Variants in ZFHX3 observed in about 807,000 individuals in gnomAD.
ZFHX3 encodes the protein zinc finger homeobox 3, also known as zinc finger homeobox protein 3.
A neutral mutation model predicts 279.1 loss-of-function variants in ZFHX3; 42 were observed. That is an observed-to-expected ratio of 0.15 (90% CI 0.12 to 0.19). The LOEUF is 0.19. ZFHX3 is among the 10% of genes least tolerant of loss of function. The probability of loss-of-function intolerance (pLI) is 1.00; values close to 1 mark genes in which losing one functional copy is unlikely to be tolerated. For synonymous variants in ZFHX3, 2,293 were observed against 1,957.8 expected, an observed-to-expected ratio of 1.17 and a Z score of -4.52; for missense variants, 4,981 against 4,754.0, an observed-to-expected ratio of 1.05 and a Z score of -1.40.
At position 73,277,836 on chromosome 16, in the gene ZFHX3, C is replaced by T. The variant is rs114013875; in HGVS notation, c.-1193-20700G>A. ...GTGGTTTTGGCTTCTGTGGAGGCCT[C>T]AAGAAGCTTCCAATCATGGTGGAAG... On this transcript the variant is annotated intron_variant, in intron 4 of 17. Coordinates refer to the ZFHX3 transcript ENST00000641206. Among the ~76,000 whole-genome samples the T allele has an allele frequency of 6.5e-3, 987 of 152,146 alleles. 7 individuals are homozygous for T. The highest frequency in any genetic ancestry group is 8.8e-3 in the Non-Finnish European group (601 of 68,010).
chr16:73,334,500 G>A (rs1300734541), intron 3 of ZFHX3, among the ~76,000 whole-genome samples: 1 of 152,186 alleles, frequency 6.6e-6, no homozygotes, highest in Non-Finnish European at 1.5e-5. Flanking sequence ...GCTGAAGGAA[G>A]TGGGGCTCTG....
Position 73,387,496 on chromosome 16 carries a change from G to T in ZFHX3, c.-1291+68507C>A, listed in dbSNP as rs923858894. 3.9e-5 allele frequency among the ~76,000 whole-genome samples: 6 copies of T among 152,058 alleles called. No homozygotes were observed. In the East Asian group the frequency reaches 1.2e-3, roughly 29 times the overall value. On this transcript the variant is annotated intron_variant, in intron 3 of 17. Transcript: ENST00000641206. The stretch of plus-strand genomic sequence containing the variant: ...CAGTGGTTCACTCCCCAAGTCTGTG[G>T]CAGGGTTTTTTTGTTTTTTTGTTTT...
intron 3 of ZFHX3, among the ~76,000 whole-genome samples, chr16:72,907,548 TGTGTG>T (rs2039210184): frequency 5.7e-5 from 1 of 17,664 alleles, no homozygotes; most frequent in Non-Finnish European, 1.7e-4. Context: ...CCTCTATTTG[TGTGTG>T]TGTGTGTGTG....
intron 9 of ZFHX3, chr16:72,791,119 G>A (rs1388934216): frequency 6.6e-6 from 1 of 152,066 alleles, no homozygotes; most frequent in African/African-American, 2.4e-5. Context: ...TGACCCTGTG[G>A]GATTATGGTC....
intron 4 of ZFHX3, among the ~76,000 whole-genome samples, chr16:73,260,679 G>GTTTTTTTTTTT: frequency 8.7e-6 from 1 of 114,784 alleles, no homozygotes; most frequent in Middle Eastern, 4.6e-3. Flanking sequence ...GCACCTATCT[G>GTTTTTTTTTTT]GTTTTTTTTT....
chr16:73,076,250 G>A (rs775534316), intron 8 of ZFHX3, among the ~76,000 whole-genome samples: 1 of 152,198 alleles, frequency 6.6e-6, no homozygotes, highest in Non-Finnish European at 1.5e-5. Context: ...TGAAGATCAA[G>A]TGATTGTAAA....
In ZFHX3 at chr16:72,957,535, T is replaced by A. The variant is rs779073626; in HGVS notation, c.2611A>T (p.Asn871Tyr). ...LYQYYLAQNM[N>Y]LPNLKMDSAA... The stretch of plus-strand genomic sequence containing the variant: ...CTGTCCATCTTCAGGTTGGGCAGGT[T>A]CATGTTCTGGGCCAGGTAGTATTGG... The change falls in exon 2 of 10, where the codon AAC becomes TAC. Residue 871 changes from asparagine (N) to tyrosine (Y), a missense_variant. By Grantham distance (143) the Asn-to-Tyr change is moderately radical. Coordinates refer to ENST00000268489, the MANE Select transcript of ZFHX3 (RefSeq NM_006885.4). The A allele has an allele frequency of 2.7e-5, 43 of 1,614,082 alleles. No homozygotes were observed. The highest frequency in any genetic ancestry group is 3.6e-5 in the Non-Finnish European group (42 of 1,180,052).
chr16:73,452,325 G>T (rs62044969), intron 3 of ZFHX3, among the ~76,000 whole-genome samples: 15,978 of 152,160 alleles, frequency 0.11, 1,167 homozygotes, highest in East Asian at 0.24. Flanking sequence ...AAACATTAAT[G>T]AGATTTTAAT....
chr16:73,374,570 C>G (rs936989192), intron 3 of ZFHX3, among the ~76,000 whole-genome samples: 1 of 152,180 alleles, frequency 6.6e-6, no homozygotes, highest in African/African-American at 2.4e-5. Context: ...TTAATGTCAT[C>G]GAACATCCAG....
intron 1 of ZFHX3, among the ~76,000 whole-genome samples, chr16:73,800,020 A>G (rs1037782712): frequency 6.6e-6 from 1 of 152,138 alleles, no homozygotes; most frequent in Non-Finnish European, 1.5e-5. Flanking sequence ...TCTACAAAAA[A>G]GAGTTAATTT....
chr16:73,023,876 C>T (rs1011516765), intron 1 of ZFHX3, among the ~76,000 whole-genome samples: 7 of 152,130 alleles, frequency 4.6e-5, no homozygotes, highest in African/African-American at 9.7e-5. Flanking sequence ...AAGGGAGCTC[C>T]GAGGGACACT....
chr16:72,980,025 A>C (rs1962519414), intron 1 of ZFHX3, among the ~76,000 whole-genome samples: 1 of 152,224 alleles, frequency 6.6e-6, no homozygotes, highest in African/African-American at 2.4e-5. Flanking sequence ...GTGCAGCCCT[A>C]TTTCCCGGAT....
rs949621086 is a variant in ZFHX3, at chr16:73,681,694, C to T, written c.-1607-1454G>A. Reference sequence around the variant, plus strand: ...AAGACAGGCACCTGATCCTGTTCTCCGGACTTAATATCCTGTGCTTCCATG... The same window carrying T: ...AAGACAGGCACCTGATCCTGTTCTCTGGACTTAATATCCTGTGCTTCCATG... On this transcript the variant is annotated intron_variant, in intron 1 of 17. Transcript: ENST00000641206. Among the ~76,000 whole-genome samples the T allele has an allele frequency of 3.3e-5, 5 of 152,238 alleles. No homozygotes were observed. In the South Asian group the frequency reaches 6.2e-4, roughly 19 times the overall value.
At chr16:73,195,793 A>T (rs1462162923) in intron 5 of ZFHX3, among the ~76,000 whole-genome samples, 1 of 152,110 alleles carries the variant, frequency 6.6e-6, no homozygotes, top group Non-Finnish European at 1.5e-5. Context: ...GGTGAAGGGG[A>T]ATCAGGAACG....
intron 2 of ZFHX3, among the ~76,000 whole-genome samples, chr16:73,645,023 G>A (rs2052605937): frequency 6.6e-6 from 1 of 152,224 alleles, no homozygotes; most frequent in Non-Finnish European, 1.5e-5. Flanking sequence ...ACTGAACACA[G>A]TTTAGGGGAG....
At chr16:73,657,137 A>G (rs2052729480) in intron 2 of ZFHX3, among the ~76,000 whole-genome samples, 1 of 152,220 alleles carries the variant, frequency 6.6e-6, no homozygotes, top group Non-Finnish European at 1.5e-5. Flanking sequence ...AATGTAGTCC[A>G]TATACGGTAG....
intron 2 of ZFHX3, among the ~76,000 whole-genome samples, chr16:73,643,212 AATC>A (rs2052589143): frequency 6.6e-6 from 1 of 152,362 alleles, no homozygotes; most frequent in South Asian, 2.1e-4. Flanking sequence ...TAAGTGAAGA[AATC>A]ATCAAGAGAT....
chr16:73,146,648 T>C (rs1334199390), intron 5 of ZFHX3, among the ~76,000 whole-genome samples: 3 of 152,006 alleles, frequency 2.0e-5, no homozygotes, highest in Non-Finnish European at 2.9e-5. Context: ...TTTTCTTTCT[T>C]TTTATTTTTT....
intron 2 of ZFHX3, among the ~76,000 whole-genome samples, chr16:73,516,318 G>GA (rs1209473737): frequency 6.6e-5 from 10 of 152,158 alleles, no homozygotes; most frequent in East Asian, 3.9e-4. Context: ...TGTAGAGTTA[G>GA]AAAAGAAAAT....
Sources: allele counts gnomAD v4.1 joint callset (sites outside exome capture counted in the v4.1 genomes callset), GRCh38; gene constraint gnomAD v4.1.1; transcripts MANE v1.5; gene names NCBI Gene and HGNC (gene_info 2026-07-23, HGNC 2026-07-21).